Variants in SLIT3 observed in about 807,000 individuals in gnomAD.
The protein encoded by SLIT3 is slit homolog 3 protein.
In SLIT3, 68 loss-of-function variants were observed where a neutral mutation model predicts 184.0. The observed-to-expected ratio is 0.37, with a 90% CI of 0.30 to 0.45. SLIT3 has a LOEUF of 0.45. SLIT3 is among the 20% of genes least tolerant of loss of function. SLIT3 has a pLI of 1.00. For missense variants in SLIT3, 1,707 were observed against 2,026.0 expected (o/e 0.84, Z 3.02); for synonymous variants, 831 against 828.6 (o/e 1.00, Z -0.05).
At chr5:169,126,231 C>T (rs768043229) in intron 4 of SLIT3, among the ~76,000 whole-genome samples, 20 of 152,086 alleles carry the variant, frequency 1.3e-4, no homozygotes, top group Non-Finnish European at 2.6e-4. Flanking sequence ...TTTAGACATC[C>T]TATTTATGTT....
At chr5:169,180,751 ACT>A (rs1346680809) in intron 4 of SLIT3, among the ~76,000 whole-genome samples, 1 of 152,028 alleles carries the variant, frequency 6.6e-6, no homozygotes, top group African/African-American at 2.4e-5. Flanking sequence ...CCCACCTTTC[ACT>A]CTCATTTAAA....
At chr5:169,118,803 T>G (rs1760780653) in intron 4 of SLIT3, among the ~76,000 whole-genome samples, 1 of 152,228 alleles carries the variant, frequency 6.6e-6, no homozygotes, top group Non-Finnish European at 1.5e-5. Context: ...CCTTTTCACC[T>G]GGAGTGGCAC....
intron 4 of SLIT3, among the ~76,000 whole-genome samples, chr5:168,887,443 A>C (rs1561988459): frequency 6.6e-6 from 1 of 152,176 alleles, no homozygotes; most frequent in Non-Finnish European, 1.5e-5. Flanking sequence ...GAGCTGTATG[A>C]TCATTCAAGT....
At position 168,919,208 on chromosome 5, in the gene SLIT3, C is replaced by T. The variant is rs576394970; in HGVS notation, c.414-35872G>A. On this transcript the variant is annotated intron_variant, in intron 4 of 35. Coordinates refer to ENST00000519560, the MANE Select transcript of SLIT3 (RefSeq NM_003062.4). ...CCGGGAGGCGGAGGTTGCAGTGAGC[C>T]GAGATCGCGCCACTGCACTCCAGCC... Among the ~76,000 whole-genome samples, 21 of 149,060 alleles carry T rather than the reference C, an allele frequency of 1.4e-4. 1 individual carries two copies. The highest frequency in any genetic ancestry group is 3.7e-4 in the African/African-American group (15 of 40,438).
intron 4 of SLIT3, among the ~76,000 whole-genome samples, chr5:169,019,330 G>A (rs1263111566): frequency 6.6e-6 from 1 of 152,218 alleles, no homozygotes; most frequent in Non-Finnish European, 1.5e-5. Context: ...TTGACTCTCT[G>A]CCCTTTGCTT....
At chr5:168,962,795 G>A (rs1763062540) in intron 4 of SLIT3, among the ~76,000 whole-genome samples, 1 of 152,140 alleles carries the variant, frequency 6.6e-6, no homozygotes, top group African/African-American at 2.4e-5. Flanking sequence ...GACTCACTAA[G>A]CACTTTCCCT....
At chr5:169,055,796 A>T (rs1343917346) in intron 4 of SLIT3, among the ~76,000 whole-genome samples, 1 of 151,214 alleles carries the variant, frequency 6.6e-6, no homozygotes, top group Admixed American at 6.6e-5. Flanking sequence ...GCACCACTGC[A>T]CTCCAGCCTG....
At chr5:168,888,362 C>A (rs574660143) in intron 4 of SLIT3, among the ~76,000 whole-genome samples, 1 of 152,144 alleles carries the variant, frequency 6.6e-6, no homozygotes, top group African/African-American at 2.4e-5. Context: ...CTCCAGCAAC[C>A]CAAGGACAGA....
chr5:169,003,855 C>T (rs1345258656), intron 4 of SLIT3, among the ~76,000 whole-genome samples: 1 of 151,866 alleles, frequency 6.6e-6, no homozygotes, highest in African/African-American at 2.4e-5. Context: ...CAGGCTTTGA[C>T]ATGGTGGCTC....
intron 20 of SLIT3, among the ~76,000 whole-genome samples, chr5:168,739,032 C>G (rs1763529829): frequency 6.6e-6 from 1 of 151,346 alleles, no homozygotes; most frequent in South Asian, 2.1e-4. Context: ...AAACTTTTCA[C>G]TGCCACATTG....
intron 4 of SLIT3, among the ~76,000 whole-genome samples, chr5:169,048,879 A>G (rs569636297): frequency 5.3e-5 from 8 of 152,058 alleles, no homozygotes; most frequent in Non-Finnish European, 1.2e-4. Context: ...TAATTAAGAT[A>G]CTCTTCTTGA....
At chr5:168,879,455 T>C (rs935423299) in intron 5 of SLIT3, among the ~76,000 whole-genome samples, 1 of 152,238 alleles carries the variant, frequency 6.6e-6, no homozygotes, top group Non-Finnish European at 1.5e-5. Flanking sequence ...ATGTCTCTTA[T>C]TTTCCATGTG....
intron 4 of SLIT3, among the ~76,000 whole-genome samples, chr5:169,049,132 A>G (rs1003463578): frequency 2.0e-5 from 3 of 152,240 alleles, no homozygotes; most frequent in African/African-American, 2.4e-5. Flanking sequence ...CCTATGTCAC[A>G]TGAGCTTTTT....
At chr5:168,727,962 G>A (rs191954559) in intron 20 of SLIT3, among the ~76,000 whole-genome samples, 11 of 152,244 alleles carry the variant, frequency 7.2e-5, no homozygotes, top group Admixed American at 5.2e-4. Flanking sequence ...GCAGAGAAGC[G>A]CTGGTCCAGG....
intron 4 of SLIT3, among the ~76,000 whole-genome samples, chr5:169,112,805 G>C (rs1431975065): frequency 6.6e-6 from 1 of 152,034 alleles, no homozygotes; most frequent in African/African-American, 2.4e-5. Context: ...CCTCTCTGCT[G>C]GGCTGTGGTT....
chr5:169,296,988 CCT>C (rs1211562181), intron 1 of SLIT3, among the ~76,000 whole-genome samples: 1 of 152,176 alleles, frequency 6.6e-6, no homozygotes, highest in Non-Finnish European at 1.5e-5. Flanking sequence ...TCATCTGCCT[CCT>C]CTTTTTCCAG....
At chr5:168,904,432 C>G (rs1271962041) in intron 4 of SLIT3, among the ~76,000 whole-genome samples, 2 of 151,984 alleles carry the variant, frequency 1.3e-5, no homozygotes, top group African/African-American at 2.4e-5. Context: ...TATAAAATAT[C>G]AAAGCCTCTG....
rs190285966 is a variant in SLIT3 at position 168,812,350 on chromosome 5, C to A, written c.793+4950G>T. Among the ~76,000 whole-genome samples, 5 of 152,246 alleles carry A rather than the reference C, an allele frequency of 3.3e-5. No homozygotes were observed. The East Asian group carries it at 7.7e-4, about 24-fold the overall frequency. ...ATATTTCAAAATAACTAGAAGAGAG[C>A]ATTTTGAATGTTCCCAACACAAATG... On this transcript the variant is annotated intron_variant, in intron 8 of 35. Transcript: ENST00000519560.
At chr5:168,979,316 C>A (rs969323950) in intron 4 of SLIT3, among the ~76,000 whole-genome samples, 1 of 152,136 alleles carries the variant, frequency 6.6e-6, no homozygotes, top group East Asian at 1.9e-4. Flanking sequence ...GGAGGCCAGA[C>A]AGGCTTGCAA....
Sources: allele counts gnomAD v4.1 joint callset (sites outside exome capture counted in the v4.1 genomes callset), GRCh38; gene constraint gnomAD v4.1.1; transcripts MANE v1.5; gene names NCBI Gene and HGNC (gene_info 2026-07-23, HGNC 2026-07-21).